Variants in NXPH1 observed in about 807,000 individuals in gnomAD.
NXPH1 encodes the protein neurexophilin-1.
Under a neutral mutation model 23.7 loss-of-function variants are expected in NXPH1, and 5 were observed. The ratio of observed to expected loss-of-function variants is 0.21; its 90% CI spans 0.11 to 0.44. NXPH1 has a LOEUF of 0.44. NXPH1 is among the 20% of genes least tolerant of loss of function. The pLI, the probability that NXPH1 is intolerant of heterozygous loss-of-function variation, is 0.99. For synonymous variants in NXPH1, 144 were observed against 122.2 expected (o/e 1.18, Z -1.18); for missense variants, 324 against 321.6 (o/e 1.01, Z -0.06).
chr7:8,660,627 G>A (rs1409974460), intron 2 of NXPH1, among the ~76,000 whole-genome samples: 1 of 152,128 alleles, frequency 6.6e-6, no homozygotes, highest in African/African-American at 2.4e-5. Flanking sequence ...CAAAAGTAAA[G>A]CTACTCACTG....
At position 8,435,497 on chromosome 7, in the gene NXPH1, T is replaced by A. The variant is rs1816176300; in HGVS notation, c.-110-107T>A. ...TCAATTTTTCGTACCCTCCCTCCCT[T>A]TTTTTTTTGGTCCCCCACTCCCCGC... On this transcript the variant is annotated intron_variant, in intron 1 of 2. Transcript: ENST00000405863. The surrounding 1 kb of genome is among the most constrained non-coding windows in gnomAD (Gnocchi z 5.9). 1.9e-6 allele frequency: 1 copy of A among 534,020 alleles called. No homozygotes were observed. The highest frequency in any genetic ancestry group is 3.3e-6 in the Non-Finnish European group (1 of 300,156). The allele number at this position is 534,020 out of a possible 1,614,324, so 33.1% of individuals were successfully genotyped here.
chr7:8,600,135 A>T (rs1041786350), intron 2 of NXPH1, among the ~76,000 whole-genome samples: 3 of 152,118 alleles, frequency 2.0e-5, no homozygotes, highest in Non-Finnish European at 2.9e-5. Context: ...TCAGTAAATA[A>T]ATATTCAAAA....
intron 2 of NXPH1, among the ~76,000 whole-genome samples, chr7:8,472,784 T>C (rs11976158): frequency 0.37 from 56,794 of 152,040 alleles, 11,139 homozygotes; most frequent in East Asian, 0.63. Flanking sequence ...CTGCAATAGA[T>C]TCCCACTTGT....
At chr7:8,604,565 A>G (rs1460929884) in intron 2 of NXPH1, among the ~76,000 whole-genome samples, 4 of 152,138 alleles carry the variant, frequency 2.6e-5, no homozygotes, top group African/African-American at 9.6e-5. Context: ...GAAGTGAACA[A>G]TATAAAAAAT....
At chr7:8,636,886 C>T (rs1820226265) in intron 2 of NXPH1, among the ~76,000 whole-genome samples, 1 of 152,192 alleles carries the variant, frequency 6.6e-6, no homozygotes, top group Admixed American at 6.5e-5. Context: ...ATGTTCAAAT[C>T]TGAGCAATAA....
intron 2 of NXPH1, among the ~76,000 whole-genome samples, chr7:8,566,208 C>T (rs1562404710): frequency 6.6e-6 from 1 of 151,828 alleles, no homozygotes; most frequent in Non-Finnish European, 1.5e-5. Context: ...ATTCTGATGA[C>T]TCAGATACTT....
chr7:8,508,041 C>G (rs546232954), intron 2 of NXPH1, among the ~76,000 whole-genome samples: 49 of 152,208 alleles, frequency 3.2e-4, no homozygotes, highest in African/African-American at 1.0e-3. Context: ...TCACTGGTCA[C>G]CTGGTACCCA....
At chr7:8,683,768 A>G (rs1821096585) in intron 2 of NXPH1, among the ~76,000 whole-genome samples, 1 of 152,184 alleles carries the variant, frequency 6.6e-6, no homozygotes, top group Non-Finnish European at 1.5e-5. Context: ...CTTAACAAAT[A>G]TATATTGACA....
chr7:8,639,355 T>A (rs1820270267), intron 2 of NXPH1, among the ~76,000 whole-genome samples: 1 of 152,192 alleles, frequency 6.6e-6, no homozygotes, highest in Non-Finnish European at 1.5e-5. Context: ...TTTTCACATC[T>A]TGATTCCAGA....
At chr7:8,742,698 G>C (rs1780388248) in intron 2 of NXPH1, among the ~76,000 whole-genome samples, 1 of 151,910 alleles carries the variant, frequency 6.6e-6, no homozygotes, top group South Asian at 2.1e-4. Context: ...GGTGGGGGTG[G>C]GATTGCAAGG....
chr7:8,638,750 A>G (rs17153107), intron 2 of NXPH1, among the ~76,000 whole-genome samples: 3,100 of 152,290 alleles, frequency 0.02, 128 homozygotes, highest in African/African-American at 0.071. Flanking sequence ...GATTTTAACA[A>G]TGGATCCTAT....
Position 8,667,478 on chromosome 7 carries a change from C to T in NXPH1, c.55-83530C>T, listed in dbSNP as rs147545571. 5.9e-3 allele frequency among the ~76,000 whole-genome samples: 876 copies of T among 148,194 alleles called. 10 individuals are homozygous for T. Among genetic ancestry groups the T allele is most frequent in the African/African-American group, 0.02 (814 of 40,832 alleles). On this transcript the variant is annotated intron_variant, in intron 2 of 2. Transcript: ENST00000405863. Reference sequence around the variant, plus strand: ...GGTTGACAGTTTTTTTTTTTTTCTCCGCAGCATTTTGAATATGCATTTGCC... The same window carrying T: ...GGTTGACAGTTTTTTTTTTTTTCTCTGCAGCATTTTGAATATGCATTTGCC...
intron 2 of NXPH1, among the ~76,000 whole-genome samples, chr7:8,463,234 C>T (rs1357029996): frequency 6.6e-6 from 1 of 151,908 alleles, no homozygotes; most frequent in Non-Finnish European, 1.5e-5. Context: ...CATATACTGA[C>T]ACTTCCTTCT....
chr7:8,600,006 G>A (rs908835047), intron 2 of NXPH1, among the ~76,000 whole-genome samples: 1 of 152,018 alleles, frequency 6.6e-6, no homozygotes, highest in Non-Finnish European at 1.5e-5. Flanking sequence ...TCTGAAGACA[G>A]TATTAGTAGT....
chr7:8,739,789 T>G (rs2115226425), intron 2 of NXPH1, among the ~76,000 whole-genome samples: 1 of 152,324 alleles, frequency 6.6e-6, no homozygotes, highest in Middle Eastern at 3.4e-3. Flanking sequence ...CTATAAACTT[T>G]TTCTATTTTT....
At chr7:8,745,719 ATTTTTTTTTTT>A (rs56019801) in intron 2 of NXPH1, among the ~76,000 whole-genome samples, 2 of 111,822 alleles carry the variant, frequency 1.8e-5, no homozygotes, top group Middle Eastern at 5.4e-3. Flanking sequence ...CGCCCAGCTA[ATTTTTTTTTTT>A]TTTTTTTTTT....
At chr7:8,579,394 A>G (rs144510509) in intron 2 of NXPH1, among the ~76,000 whole-genome samples, 1 of 149,578 alleles carries the variant, frequency 6.7e-6, no homozygotes, top group East Asian at 1.9e-4. Flanking sequence ...TTTCTGAGAC[A>G]GAGTTTTCAC....
At chr7:8,490,977 GA>G (rs973700957) in intron 2 of NXPH1, among the ~76,000 whole-genome samples, 3 of 152,180 alleles carry the variant, frequency 2.0e-5, no homozygotes, top group Non-Finnish European at 4.4e-5. Flanking sequence ...TAGGTTGACA[GA>G]CATTTTGACA....
intron 2 of NXPH1, among the ~76,000 whole-genome samples, chr7:8,603,843 A>G (rs1183107098): frequency 1.3e-5 from 2 of 152,064 alleles, no homozygotes; most frequent in African/African-American, 2.4e-5. Context: ...CATTCCAGGT[A>G]TGTTTTATTG....
Sources: gnomAD v4.1 joint callset for allele counts (sites outside exome capture counted in the v4.1 genomes callset) on GRCh38, gnomAD v4.1.1 for gene constraint, Gnocchi (gnomAD v3.1) non-coding constraint, MANE v1.5 for transcripts, NCBI Gene and HGNC (gene_info 2026-07-23, HGNC 2026-07-21) for gene names.